The following KATNAL2 variants were observed in gnomAD, a reference collection of about 807,000 sequenced individuals.
KATNAL2 encodes the protein katanin p60 ATPase-containing subunit A-like 2.
A neutral mutation model predicts 76.3 loss-of-function variants in KATNAL2; 52 were observed. The ratio of observed to expected loss-of-function variants is 0.68; its 90% CI spans 0.55 to 0.86. The LOEUF is 0.86. Among genes scored for constraint, KATNAL2 ranks in the 40% least tolerant of loss-of-function variants. The pLI, the probability that KATNAL2 is intolerant of heterozygous loss-of-function variation, is 0.00. For synonymous variants in KATNAL2, 243 were observed against 244.2 expected, an observed-to-expected ratio of 1.00 and a Z score of 0.05; for missense variants, 660 against 668.9, an observed-to-expected ratio of 0.99 and a Z score of 0.15.
intron 3 of KATNAL2, chr18:47,033,582 C>G: frequency 6.2e-7 from 1 of 1,614,190 alleles, no homozygotes; most frequent in Non-Finnish European, 8.5e-7. Flanking sequence ...CGGGCCTCCA[C>G]CCTTCCAGAA....
At chr18:47,043,500 T>G (rs2061044606) in intron 3 of KATNAL2, among the ~76,000 whole-genome samples, 1 of 152,168 alleles carries the variant, frequency 6.6e-6, no homozygotes, top group Non-Finnish European at 1.5e-5. Flanking sequence ...CAGGCTGTAC[T>G]GGAAGCATGG....
At chr18:46,922,993 G>C (rs1233908177) in intron 1 of KATNAL2, among the ~76,000 whole-genome samples, 2 of 146,660 alleles carry the variant, frequency 1.4e-5, no homozygotes, top group African/African-American at 5.0e-5. Flanking sequence ...AGTCCATATA[G>C]AAAAATTCTT....
intron 3 of KATNAL2, among the ~76,000 whole-genome samples, chr18:46,961,306 A>T (rs1216123735): frequency 6.6e-6 from 1 of 152,112 alleles, no homozygotes; most frequent in African/African-American, 2.4e-5. Context: ...GGGGGTGGGT[A>T]GCAGGAGAAG....
Position 47,032,437 on chromosome 18 carries a change from G to T in KATNAL2, c.52-14020G>T, listed in dbSNP as rs563923116. 9.1e-5 allele frequency: 15 copies of T among 165,300 alleles called. No individual in the cohort carries two copies. In the East Asian group the frequency reaches 2.6e-3, roughly 28 times the overall value. 10.2% of individuals were successfully genotyped at this position (165,300 alleles called of 1,614,324 possible). A position where few individuals can be genotyped will look rare whatever the true frequency, so the allele number is the denominator to read the frequency against. On this transcript the variant is annotated intron_variant, in intron 3 of 17. Transcript: ENST00000683218. The stretch of plus-strand genomic sequence containing the variant: ...TAGTTTTGATATCTTTTGCAGAGAC[G>T]GGGTTTTCCTATTTTGCCCAGGCTG...
chr18:46,931,731 G>C (rs2058929511), intron 1 of KATNAL2, among the ~76,000 whole-genome samples: 1 of 151,302 alleles, frequency 6.6e-6, no homozygotes, highest in Non-Finnish European at 1.5e-5. Flanking sequence ...AAAAGAGAGA[G>C]AGAGGGAGAG....
intron 1 of KATNAL2, among the ~76,000 whole-genome samples, chr18:46,929,075 C>T (rs971455786): frequency 6.6e-6 from 1 of 152,072 alleles, no homozygotes; most frequent in African/African-American, 2.4e-5. Flanking sequence ...GGATTACAGG[C>T]GTGAGCCACT....
chr18:47,086,614 C>G (rs2062786328), intron 15 of KATNAL2, among the ~76,000 whole-genome samples: 1 of 152,234 alleles, frequency 6.6e-6, no homozygotes, highest in Non-Finnish European at 1.5e-5. Context: ...TGTGCCCAGC[C>G]TGTTATTCAT....
At chr18:46,940,109 C>G (rs994966770) in intron 1 of KATNAL2, among the ~76,000 whole-genome samples, 2 of 152,170 alleles carry the variant, frequency 1.3e-5, no homozygotes, top group Non-Finnish European at 2.9e-5. Context: ...TTGAACAGGT[C>G]CAATACCTTT....
In KATNAL2 at chr18:47,099,329, A is replaced by G; in HGVS notation, c.1298A>G (p.Tyr433Cys). Reference sequence around the variant, plus strand: ...CGGGAGGCCAGGCAGGCCATGATCTACCACTGGCTGCCTCCTGTGAGCAAG... The same window carrying G: ...CGGGAGGCCAGGCAGGCCATGATCTGCCACTGGCTGCCTCCTGTGAGCAAG... ...PSREARQAMIYHWLPPVSKSR... is the reference protein window; with the variant it reads ...PSREARQAMICHWLPPVSKSR... Residue 433 changes from tyrosine (Y) to cysteine (C), a missense_variant, in exon 16 of 18, where the codon TAC (tyrosine) becomes TGC (cysteine). Physicochemically the swap from Tyr to Cys is radical, Grantham distance 194. Coordinates refer to ENST00000683218, the MANE Select transcript of KATNAL2 (RefSeq NM_001387690.1). The G allele has an allele frequency of 6.2e-7, 1 of 1,614,130 alleles. No individual in the cohort carries two copies. Among genetic ancestry groups the G allele is most frequent in the South Asian group, 1.1e-5 (1 of 91,086 alleles).
chr18:47,068,726 G>C (rs982288887), intron 11 of KATNAL2, among the ~76,000 whole-genome samples: 1 of 152,150 alleles, frequency 6.6e-6, no homozygotes, highest in African/African-American at 2.4e-5. Flanking sequence ...GTTCAGCGTT[G>C]GTGTCTCTTA....
chr18:47,090,837 G>C (rs1380625120), intron 15 of KATNAL2, among the ~76,000 whole-genome samples: 1 of 152,094 alleles, frequency 6.6e-6, no homozygotes, highest in East Asian at 1.9e-4. Flanking sequence ...TGTAGGTGGG[G>C]GACAGCTGAT....
At chr18:46,957,990 C>T (rs890589613) in intron 3 of KATNAL2, among the ~76,000 whole-genome samples, 1 of 152,168 alleles carries the variant, frequency 6.6e-6, no homozygotes, top group Non-Finnish European at 1.5e-5. Flanking sequence ...GCCACCGCAC[C>T]TGGCCAGATT....
chr18:47,033,453 C>T lies in KATNAL2; in HGVS notation c.52-13004C>T, dbSNP rs775193976. The T allele has an allele frequency of 6.2e-6, 10 of 1,613,872 alleles. No individual in the cohort carries two copies. The African/African-American group carries it at 6.7e-5, about 11-fold the overall frequency. Reference sequence around the variant, plus strand: ...CCGGAAGCCGCAGGTACTGCTCCCTCCAAGTTTTGTTTTCCTGTGGCTTTT... The same window carrying T: ...CCGGAAGCCGCAGGTACTGCTCCCTTCAAGTTTTGTTTTCCTGTGGCTTTT... On this transcript the variant is annotated intron_variant, in intron 3 of 17. Transcript: ENST00000683218.
intron 15 of KATNAL2, among the ~76,000 whole-genome samples, chr18:47,083,653 T>C (rs1015619193): frequency 1.6e-4 from 25 of 152,306 alleles, no homozygotes; most frequent in African/African-American, 2.2e-4. Context: ...TGTGTGTCAA[T>C]TGATGTATAA....
chr18:47,044,634 T>A (rs12607754), intron 3 of KATNAL2, among the ~76,000 whole-genome samples: 84,325 of 151,436 alleles, frequency 0.56, 23,512 homozygotes, highest in East Asian at 0.65. Context: ...GGTAGCGGGC[T>A]TCTGTAATCC....
intron 3 of KATNAL2, chr18:47,034,909 G>A (rs538047255): frequency 6.2e-7 from 1 of 1,612,028 alleles, no homozygotes; most frequent in East Asian, 2.2e-5. Context: ...TGGGCTCCTG[G>A]GGGCCGTCGC....
intron 1 of KATNAL2, among the ~76,000 whole-genome samples, chr18:46,941,091 A>G (rs1445657008): frequency 2.0e-5 from 3 of 152,226 alleles, no homozygotes; most frequent in Non-Finnish European, 4.4e-5. Flanking sequence ...TGGGATGCCA[A>G]AGCGGGTGGA....
At chr18:47,058,850 C>T (rs2061545395) in intron 7 of KATNAL2, among the ~76,000 whole-genome samples, 1 of 152,094 alleles carries the variant, frequency 6.6e-6, no homozygotes, top group South Asian at 2.1e-4. Flanking sequence ...AGCCCTCACC[C>T]CAGACCTTCA....
chr18:46,961,846 T>C (rs1483658222), intron 3 of KATNAL2, among the ~76,000 whole-genome samples: 1 of 152,210 alleles, frequency 6.6e-6, no homozygotes, highest in Non-Finnish European at 1.5e-5. Context: ...CTGCCAGTTT[T>C]GTCAGTGATT....
Sources: allele counts gnomAD v4.1 joint callset (sites outside exome capture counted in the v4.1 genomes callset), GRCh38; gene constraint gnomAD v4.1.1; transcripts MANE v1.5; gene names NCBI Gene and HGNC (gene_info 2026-07-23, HGNC 2026-07-21).